The following CDYL2 variants were observed in gnomAD, a reference collection of about 807,000 sequenced individuals.
CDYL2 encodes chromodomain Y-like protein 2.
CDYL2 carries 23 observed loss-of-function variants against 49.4 expected under a neutral mutation model. That is an observed-to-expected ratio of 0.47 (90% CI 0.34 to 0.66). CDYL2 has a LOEUF of 0.66. Among genes scored for constraint, CDYL2 ranks in the 30% least tolerant of loss-of-function variants. The probability of loss-of-function intolerance (pLI) is 0.01; values close to 1 mark genes in which losing one functional copy is unlikely to be tolerated. For missense variants in CDYL2, 678 were observed against 656.4 expected (o/e 1.03, Z -0.36); for synonymous variants, 360 against 268.8 (o/e 1.34, Z -3.32).
At chr16:80,779,712 T>C (rs1907202225) in intron 1 of CDYL2, among the ~76,000 whole-genome samples, 3 of 152,126 alleles carry the variant, frequency 2.0e-5, no homozygotes, top group South Asian at 4.1e-4. Context: ...AATACTTATA[T>C]TGTTAAAAAC....
chr16:80,797,374 A>T (rs1419519009), intron 1 of CDYL2, among the ~76,000 whole-genome samples: 1 of 152,114 alleles, frequency 6.6e-6, no homozygotes, highest in Non-Finnish European at 1.5e-5. Context: ...CTTTCCCTCA[A>T]TCCCTACAGA....
intron 1 of CDYL2, chr16:80,742,347 G>C (rs986035444): frequency 6.6e-6 from 1 of 152,072 alleles, no homozygotes; most frequent in African/African-American, 2.4e-5. Context: ...TGGATGGATG[G>C]ACTGACAAAT....
In CDYL2 at chr16:80,707,815, G is replaced by C. The variant is rs183458883; in HGVS notation, c.25-22686C>G. Among the ~76,000 whole-genome samples, 4 of 152,292 alleles carry C rather than the reference G, an allele frequency of 2.6e-5. No homozygotes were observed. In the East Asian group the frequency reaches 7.7e-4, roughly 29 times the overall value. ...TGAACCCTGGCTCAGGTCAAGGGTTGGTGCTTCAAGTGGCCTGTAATACAA... is the reference window on the plus strand; with the variant it reads ...TGAACCCTGGCTCAGGTCAAGGGTTCGTGCTTCAAGTGGCCTGTAATACAA... On this transcript the variant is annotated intron_variant, in intron 1 of 6. Coordinates refer to ENST00000570137, the MANE Select transcript of CDYL2 (RefSeq NM_152342.4).
intron 3 of CDYL2, among the ~76,000 whole-genome samples, chr16:80,630,555 C>T (rs1007434943): frequency 1.2e-4 from 18 of 152,258 alleles, no homozygotes; most frequent in African/African-American, 4.3e-4. Flanking sequence ...TGAAGAGCTG[C>T]TTTCGGGGTG....
At chr16:80,725,382 C>T (rs755301082) in intron 1 of CDYL2, among the ~76,000 whole-genome samples, 5 of 152,126 alleles carry the variant, frequency 3.3e-5, no homozygotes, top group South Asian at 2.1e-4. Flanking sequence ...CAGTAATTAG[C>T]GATTTGTGGG....
At chr16:80,639,728 T>G (rs138068842) in intron 2 of CDYL2, 6 of 455,940 alleles carry the variant, frequency 1.3e-5, no homozygotes, top group African/African-American at 4.0e-5. Context: ...AGAAAAACAG[T>G]CTTGAATCAC....
intron 1 of CDYL2, among the ~76,000 whole-genome samples, chr16:80,765,092 ATAATATATAC>A (rs1234386238): frequency 6.8e-6 from 1 of 146,680 alleles, no homozygotes; most frequent in African/African-American, 2.5e-5. Context: ...AGTTCCTCAT[ATAATATATAC>A]TAATATATAT....
chr16:80,785,817 C>T (rs767456680), intron 1 of CDYL2, among the ~76,000 whole-genome samples: 14 of 152,276 alleles, frequency 9.2e-5, no homozygotes, highest in Middle Eastern at 3.4e-3. Flanking sequence ...CACACATCTA[C>T]CGTCATCCGA....
intron 2 of CDYL2, among the ~76,000 whole-genome samples, chr16:80,663,779 G>C (rs1909146730): frequency 6.6e-6 from 1 of 152,128 alleles, no homozygotes; most frequent in African/African-American, 2.4e-5. Context: ...TTCTAGTAGA[G>C]ACAGGGTTTC....
chr16:80,715,204 T>C (rs970286025), intron 1 of CDYL2, among the ~76,000 whole-genome samples: 2 of 152,140 alleles, frequency 1.3e-5, no homozygotes, highest in African/African-American at 2.4e-5. Context: ...GGAAGAAATG[T>C]TGTGTCTGGC....
chr16:80,764,769 T>G (rs1427473925), intron 1 of CDYL2, among the ~76,000 whole-genome samples: 1 of 151,872 alleles, frequency 6.6e-6, no homozygotes, highest in South Asian at 2.1e-4. Context: ...TAGAAAGAAT[T>G]TAGTTCCTCG....
chr16:80,771,042 A>C (rs1224044496), intron 1 of CDYL2, among the ~76,000 whole-genome samples: 1 of 152,196 alleles, frequency 6.6e-6, no homozygotes, highest in East Asian at 1.9e-4. Context: ...ATGGTAAGTA[A>C]CCCAAACTCA....
At chr16:80,708,133 G>A (rs1312631655) in intron 1 of CDYL2, among the ~76,000 whole-genome samples, 2 of 152,126 alleles carry the variant, frequency 1.3e-5, no homozygotes, top group African/African-American at 2.4e-5. Flanking sequence ...AAGGATAGGA[G>A]GAAACTCACA....
chr16:80,603,214 C>G lies in CDYL2; in HGVS notation c.*1174G>C, dbSNP rs531274067. The G allele has an allele frequency of 1.3e-5, 2 of 152,396 alleles. No homozygotes were observed. Among genetic ancestry groups the G allele is most frequent in the South Asian group, 2.1e-4 (1 of 4,832 alleles). The allele number at this position is 152,396 out of a possible 1,614,324, so 9.4% of individuals were successfully genotyped here. Reference sequence around the variant, plus strand: ...GAAATCACTGATCACATGGAAGCAACAGACTGCAGGATCCAAGTTCAGTCA... The same window carrying G: ...GAAATCACTGATCACATGGAAGCAAGAGACTGCAGGATCCAAGTTCAGTCA... On this transcript the variant is annotated 3_prime_UTR_variant, in exon 7 of 7. Transcript: ENST00000570137.
At chr16:80,697,088 T>A (rs1904279822) in intron 1 of CDYL2, among the ~76,000 whole-genome samples, 1 of 152,058 alleles carries the variant, frequency 6.6e-6, no homozygotes, top group South Asian at 2.1e-4. Context: ...GCCAGTGTCA[T>A]CTTGACACCA....
At chr16:80,792,119 A>G (rs1234340001) in intron 1 of CDYL2, among the ~76,000 whole-genome samples, 2 of 152,332 alleles carry the variant, frequency 1.3e-5, no homozygotes, top group Admixed American at 6.5e-5. Flanking sequence ...GGAATCCAGA[A>G]GGAAGATCCT....
intron 1 of CDYL2, among the ~76,000 whole-genome samples, chr16:80,708,039 A>G (rs1490433141): frequency 1.3e-5 from 2 of 152,284 alleles, no homozygotes; most frequent in Non-Finnish European, 2.9e-5. Flanking sequence ...GGGGTGGGGC[A>G]AAGATGATGC....
At chr16:80,730,467 G>A (rs374740696) in intron 1 of CDYL2, among the ~76,000 whole-genome samples, 3,573 of 151,832 alleles carry the variant, frequency 0.024, 130 homozygotes, top group African/African-American at 0.083. Flanking sequence ...TCAATAGCTT[G>A]CCAACCAAAA....
intron 1 of CDYL2, among the ~76,000 whole-genome samples, chr16:80,758,561 T>G (rs1017796407): frequency 5.7e-4 from 84 of 148,226 alleles, no homozygotes; most frequent in Non-Finnish European, 3.5e-4. Flanking sequence ...TTTTTTTTTT[T>G]GTGACTGAGT....
Sources: gnomAD v4.1 joint callset for allele counts (sites outside exome capture counted in the v4.1 genomes callset) on GRCh38, gnomAD v4.1.1 for gene constraint, MANE v1.5 for transcripts, NCBI Gene and HGNC (gene_info 2026-07-23, HGNC 2026-07-21) for gene names.